The following DCDC2C variants were observed in gnomAD, a reference collection of about 807,000 sequenced individuals.
DCDC2C encodes doublecortin domain-containing protein 2C.
In DCDC2C, 44 loss-of-function variants were observed where a neutral mutation model predicts 45.0. The observed-to-expected ratio is 0.98, with a 90% CI of 0.77 to 1.26. The LOEUF (loss-of-function observed/expected upper bound fraction) is 1.26. Ranked by LOEUF, DCDC2C falls within the 50% of genes most tolerant of loss-of-function variation. DCDC2C has a pLI of 0.00. For synonymous variants in DCDC2C, 187 were observed against 178.8 expected, an observed-to-expected ratio of 1.05 and a Z score of -0.37; for missense variants, 447 against 468.9, an observed-to-expected ratio of 0.95 and a Z score of 0.43.
At chr2:3,731,004 C>T (rs995474724) in intron 3 of DCDC2C, among the ~76,000 whole-genome samples, 1 of 152,214 alleles carries the variant, frequency 6.6e-6, no homozygotes, top group South Asian at 2.1e-4. Flanking sequence ...CCCTGGTTTC[C>T]AGTCAGCAGT....
At chr2:3,794,182 TTGAGTTATGCAAATGTTCAA>T (rs1314531260) in intron 10 of DCDC2C, among the ~76,000 whole-genome samples, 1 of 152,196 alleles carries the variant, frequency 6.6e-6, no homozygotes, top group Non-Finnish European at 1.5e-5. Flanking sequence ...TATTGGTTCA[TTGAGTTATGCAAATGTTCAA>T]TGAGTTATGC....
intron 2 of DCDC2C, among the ~76,000 whole-genome samples, chr2:3,709,944 T>G (rs1046299873): frequency 2.6e-5 from 4 of 152,194 alleles, no homozygotes; most frequent in Non-Finnish European, 5.9e-5. Flanking sequence ...CACCAGGATG[T>G]CTACACCCGC....
At chr2:3,758,145 C>T (rs910140753) in intron 6 of DCDC2C, among the ~76,000 whole-genome samples, 8 of 152,170 alleles carry the variant, frequency 5.3e-5, no homozygotes, top group Non-Finnish European at 8.8e-5. Flanking sequence ...GTGACATTCC[C>T]AGTGAGGTGA....
At chr2:3,767,120 T>C (rs4849988) in intron 6 of DCDC2C, among the ~76,000 whole-genome samples, 99,704 of 152,192 alleles carry the variant, frequency 0.66, 33,935 homozygotes, top group South Asian at 0.83. Flanking sequence ...AATGCATTTT[T>C]GACTTTAGAT....
At chr2:3,783,830 A>C (rs1670577574) in intron 9 of DCDC2C, among the ~76,000 whole-genome samples, 1 of 152,256 alleles carries the variant, frequency 6.6e-6, no homozygotes, top group Non-Finnish European at 1.5e-5. Context: ...AATCAGAAGA[A>C]GTAATTATCT....
In DCDC2C at chr2:3,782,518, G is replaced by A. The variant is rs1180336458; in HGVS notation, c.1024-2541G>A. Among the ~76,000 whole-genome samples, 5 of 147,050 alleles carry A rather than the reference G, an allele frequency of 3.4e-5. No homozygotes were observed. In the East Asian group the frequency reaches 7.9e-4, roughly 23 times the overall value. On this transcript the variant is annotated intron_variant, in intron 9 of 10. Coordinates refer to ENST00000399143, the MANE Select transcript of DCDC2C (RefSeq NM_001287444.2). Reference sequence around the variant, plus strand: ...TTTCGAGACGAAGTCTTGCTCTGTTGCCCAGGCTGGAGTGCAGTGGTGCTA... The same window carrying A: ...TTTCGAGACGAAGTCTTGCTCTGTTACCCAGGCTGGAGTGCAGTGGTGCTA...
chr2:3,834,334 G>A (rs536779543), intron 10 of DCDC2C, among the ~76,000 whole-genome samples: 14 of 152,118 alleles, frequency 9.2e-5, no homozygotes, highest in Admixed American at 2.6e-4. Context: ...TAAAAATCCC[G>A]TGTCCCCCCA....
chr2:3,791,033 C>G (rs1481107223), intron 10 of DCDC2C, among the ~76,000 whole-genome samples: 3 of 152,098 alleles, frequency 2.0e-5, no homozygotes, highest in African/African-American at 7.2e-5. Flanking sequence ...TGGCGTGAAC[C>G]CGCGAGGCAG....
At chr2:3,759,602 G>C (rs1669822666) in intron 6 of DCDC2C, among the ~76,000 whole-genome samples, 1 of 152,196 alleles carries the variant, frequency 6.6e-6, no homozygotes, top group African/African-American at 2.4e-5. Context: ...CAGGAGCCAG[G>C]ATCAGGTCTG....
At chr2:3,730,889 A>G (rs1668848388) in intron 3 of DCDC2C, among the ~76,000 whole-genome samples, 1 of 152,132 alleles carries the variant, frequency 6.6e-6, no homozygotes, top group African/African-American at 2.4e-5. Flanking sequence ...CCAACAAGCT[A>G]TGTCTTGGGT....
intron 3 of DCDC2C, among the ~76,000 whole-genome samples, chr2:3,736,958 T>C (rs1220888745): frequency 6.6e-6 from 1 of 152,218 alleles, no homozygotes; most frequent in Non-Finnish European, 1.5e-5. Flanking sequence ...ATTATAAGCC[T>C]ATGCAGCAGA....
At chr2:3,754,090 C>T (rs997356152) in intron 5 of DCDC2C, among the ~76,000 whole-genome samples, 16 of 152,204 alleles carry the variant, frequency 1.1e-4, no homozygotes, top group African/African-American at 3.6e-4. Context: ...AAGCCCTGAC[C>T]AGGTCTGACT....
chr2:3,821,587 A>G (rs1205223810), intron 10 of DCDC2C, among the ~76,000 whole-genome samples: 1 of 152,206 alleles, frequency 6.6e-6, no homozygotes, highest in Non-Finnish European at 1.5e-5. Context: ...TTTACCATGA[A>G]TGGATGTTGA....
chr2:3,834,510 C>G (rs1672028567), intron 10 of DCDC2C, among the ~76,000 whole-genome samples: 1 of 152,196 alleles, frequency 6.6e-6, no homozygotes, highest in Admixed American at 6.5e-5. Context: ...CATCTTTCTG[C>G]TCCACATATC....
intron 8 of DCDC2C, among the ~76,000 whole-genome samples, chr2:3,774,812 G>A (rs1670284710): frequency 1.3e-5 from 2 of 151,868 alleles, no homozygotes; most frequent in African/African-American, 4.8e-5. Flanking sequence ...TGTTGCCCAG[G>A]GTGGAGTACA....
intron 8 of DCDC2C, among the ~76,000 whole-genome samples, chr2:3,772,922 C>A (rs964417043): frequency 4.6e-5 from 7 of 152,166 alleles, no homozygotes; most frequent in African/African-American, 2.4e-5. Context: ...GACACGGAGA[C>A]TCTCACAGAG....
rs1046834173 is a variant in DCDC2C, at chr2:3,793,356, G to A, written c.1065+8256G>A. Among the ~76,000 whole-genome samples, 5 of 152,174 alleles carry A rather than the reference G, an allele frequency of 3.3e-5. No homozygotes were observed. In the South Asian group the frequency reaches 8.3e-4, roughly 25 times the overall value. ...ATGCTCCTAAACATCCTTCAGTGCC[G>A]CCTTCTGCATCGGAAGCCTGTGCAG... On this transcript the variant is annotated intron_variant, in intron 10 of 10. Coordinates refer to ENST00000399143, the MANE Select transcript of DCDC2C (RefSeq NM_001287444.2).
At chr2:3,760,845 T>A (rs376934611) in intron 6 of DCDC2C, among the ~76,000 whole-genome samples, 2 of 149,634 alleles carry the variant, frequency 1.3e-5, no homozygotes, top group African/African-American at 2.5e-5. Flanking sequence ...TAAAGTAAAA[T>A]AAAAAAAAAG....
intron 10 of DCDC2C, among the ~76,000 whole-genome samples, chr2:3,830,808 G>A (rs1353993252): frequency 2.6e-5 from 4 of 152,156 alleles, no homozygotes; most frequent in Admixed American, 2.0e-4. Flanking sequence ...AATTCTAGAA[G>A]AGTGTTCACT....
Sources: gnomAD v4.1 joint callset for allele counts (sites outside exome capture counted in the v4.1 genomes callset) on GRCh38, gnomAD v4.1.1 for gene constraint, MANE v1.5 for transcripts, NCBI Gene and HGNC (gene_info 2026-07-23, HGNC 2026-07-21) for gene names.